The following NCR1 variants were observed in gnomAD, a reference collection of about 807,000 sequenced individuals.
NCR1 encodes NK cell-activating receptor.
NCR1 carries 30 observed loss-of-function variants against 32.5 expected under a neutral mutation model. The ratio of observed to expected loss-of-function variants is 0.92; its 90% CI spans 0.69 to 1.25. NCR1 has a LOEUF of 1.25. Ranked by LOEUF, NCR1 falls within the 50% of genes most tolerant of loss-of-function variation. The pLI, the probability that NCR1 is intolerant of heterozygous loss-of-function variation, is 0.00. For synonymous variants in NCR1, 169 were observed against 143.4 expected (o/e 1.18, Z -1.28); for missense variants, 369 against 380.7 (o/e 0.97, Z 0.26).
the NCR1 span, among the ~76,000 whole-genome samples, chr19:54,937,233 T>G: frequency 2.5e-3 from 359 of 143,038 alleles, 2 homozygotes; most frequent in Non-Finnish European, 3.6e-3. Flanking sequence ...AAAAAAAAAG[T>G]CAAGAAGCAG....
At chr19:54,923,519 G>C in the NCR1 span, 3 of 606,486 alleles carry the variant, frequency 4.9e-6, no homozygotes, top group Non-Finnish European at 8.8e-6. Context: ...TGCAACGAGA[G>C]TGCTCTAACT....
chr19:54,933,363 T>A, the NCR1 span, among the ~76,000 whole-genome samples: 5 of 152,140 alleles, frequency 3.3e-5, no homozygotes, highest in African/African-American at 1.2e-4. Context: ...ACCAGGATGG[T>A]CTCCATCTCC....
At chr19:54,906,867 A>G in intron 3 of NCR1, 60 bp downstream of exon 3, 1 of 1,574,744 alleles carries the variant, frequency 6.4e-7, no homozygotes, top group Non-Finnish European at 8.7e-7. Flanking sequence ...ATGCAGCATC[A>G]TCTATGAACT....
chr19:54,934,748 T>C, the NCR1 span: 4 of 1,112,050 alleles, frequency 3.6e-6, no homozygotes, highest in South Asian at 3.2e-5. This position sits in a 1 kb window ranked among gnomAD's most constrained non-coding sequence, Gnocchi z 6.7. Context: ...TTCACTCTGT[T>C]GCCCAGTCTG....
chr19:54,927,970 G>T, the NCR1 span, among the ~76,000 whole-genome samples: 1 of 152,316 alleles, frequency 6.6e-6, no homozygotes, highest in South Asian at 2.1e-4. Context: ...ACAGACACCT[G>T]TAGCCCCAGC....
chr19:54,909,575 G>A, intron 4 of NCR1, 52 bp downstream of exon 4: 1 of 1,557,978 alleles, frequency 6.4e-7, no homozygotes. Context: ...GCTACCTGGA[G>A]CCCTGAGGGA....
At position 54,912,718 on chromosome 19, in the gene NCR1, G is replaced by A. The variant is rs772836991; in HGVS notation, c.762G>A (p.Gln254=). 6.3e-7 allele frequency: 1 copy of A among 1,599,928 alleles called. No individual in the cohort carries two copies. The highest frequency in any genetic ancestry group is 2.2e-5 in the East Asian group (1 of 44,606). The change falls in exon 7 of 7, where the codon CAG becomes CAA. Residue 254 remains glutamine, a synonymous_variant. Transcript: ENST00000291890. ...ATGCCCTCTGGGATCACACTGCCCAGAATCTCCTTCGGATGGGCCTGGCCT... is the reference window on the plus strand; with the variant it reads ...ATGCCCTCTGGGATCACACTGCCCAAAATCTCCTTCGGATGGGCCTGGCCT... ...KDHALWDHTA[Q]NLLRMGLAFL...
chr19:54,935,884 C>G, the NCR1 span, among the ~76,000 whole-genome samples: 2 of 151,766 alleles, frequency 1.3e-5, no homozygotes, highest in Non-Finnish European at 2.9e-5. Context: ...CGAACAGTTT[C>G]ATCCCAAAAC....
upstream of NCR1, among the ~76,000 whole-genome samples, chr19:54,903,346 A>G (rs587618078): frequency 1.2e-4 from 15 of 129,982 alleles, 1 homozygote; most frequent in East Asian, 4.2e-4. Context: ...GTATATACAT[A>G]TATGCATATA....
the NCR1 span, among the ~76,000 whole-genome samples, chr19:54,931,039 C>A: frequency 2.6e-4 from 39 of 152,090 alleles, no homozygotes; most frequent in Admixed American, 6.5e-4. Flanking sequence ...ACAACAACAA[C>A]AACAAAAAGT....
At chr19:54,928,625 C>T in the NCR1 span, among the ~76,000 whole-genome samples, 4 of 152,194 alleles carry the variant, frequency 2.6e-5, no homozygotes, top group East Asian at 7.7e-4. Context: ...TTTAAGTCCT[C>T]TTTTGGAAAG....
chr19:54,932,700 G>A, the NCR1 span, among the ~76,000 whole-genome samples: 5 of 152,108 alleles, frequency 3.3e-5, no homozygotes, highest in Admixed American at 3.3e-4. Context: ...CTGTCGCCCG[G>A]GCTGGAGTGC....
At chr19:54,916,480 G>A (rs554495123), downstream of NCR1, among the ~76,000 whole-genome samples, 5 of 150,614 alleles carry the variant, frequency 3.3e-5, no homozygotes, top group African/African-American at 1.2e-4. Context: ...CACCACGCCC[G>A]GCTAATTTTT....
At chr19:54,917,358 C>T (rs1387259571), downstream of NCR1, among the ~76,000 whole-genome samples, 4 of 152,014 alleles carry the variant, frequency 2.6e-5, no homozygotes, top group East Asian at 2.0e-4. Context: ...CTTGCTCTGT[C>T]GCCCAGGATG....
At chr19:54,899,621 C>G in the NCR1 span, among the ~76,000 whole-genome samples, 7 of 151,814 alleles carry the variant, frequency 4.6e-5, no homozygotes, top group African/African-American at 1.7e-4. Flanking sequence ...AAAAGCGGTA[C>G]TTGCCACTAA....
the NCR1 span, among the ~76,000 whole-genome samples, chr19:54,929,875 A>G: frequency 4.2e-3 from 631 of 151,970 alleles, 5 homozygotes; most frequent in Non-Finnish European, 6.4e-3. Context: ...AGCACTTTGG[A>G]AGGCCAAGGC....
chr19:54,919,721 C>CG (rs894826186), downstream of NCR1, among the ~76,000 whole-genome samples: 1 of 146,972 alleles, frequency 6.8e-6, no homozygotes, highest in South Asian at 2.2e-4. Flanking sequence ...GAGACCCCCC[C>CG]CCCCACCCGC....
chr19:54,933,432 A>G, the NCR1 span: 1 of 1,114,492 alleles, frequency 9.0e-7, no homozygotes, highest in Non-Finnish European at 1.3e-6. Context: ...GGCATGAGCC[A>G]CCACGCCTGG....
At chr19:54,930,609 T>G in the NCR1 span, 3 of 1,612,738 alleles carry the variant, frequency 1.9e-6, no homozygotes, top group Non-Finnish European at 2.5e-6. Context: ...TGCAGGCTTC[T>G]TGGAGCGCCT....
Sources: allele counts gnomAD v4.1 joint callset (sites outside exome capture counted in the v4.1 genomes callset), GRCh38; gene constraint gnomAD v4.1.1; non-coding constraint Gnocchi (gnomAD v3.1); transcripts MANE v1.5; gene names NCBI Gene and HGNC (gene_info 2026-07-23, HGNC 2026-07-21).